TULP4: variants seen among roughly 807,000 people sequenced by gnomAD.
The protein encoded by TULP4 is TUB like protein 4.
TULP4 carries 16 observed loss-of-function variants against 129.0 expected under a neutral mutation model. The observed-to-expected ratio is 0.12, with a 90% CI of 0.08 to 0.19. The LOEUF (loss-of-function observed/expected upper bound fraction) is 0.19. Ranked by LOEUF, TULP4 falls within the 10% of genes least tolerant of loss-of-function variation. The pLI is 1.00. For synonymous variants in TULP4, 998 were observed against 854.0 expected, an observed-to-expected ratio of 1.17 and a Z score of -2.94; for missense variants, 1,842 against 2,059.1, an observed-to-expected ratio of 0.89 and a Z score of 2.04.
intron 1 of TULP4, among the ~76,000 whole-genome samples, chr6:158,350,421 C>T: frequency 6.6e-6 from 1 of 152,236 alleles, no homozygotes; most frequent in Non-Finnish European, 1.5e-5. Context: ...CGCCACTGCA[C>T]TCCAGCCTGG....
At chr6:158,468,528 G>T (rs1779602697) in intron 6 of TULP4, among the ~76,000 whole-genome samples, 1 of 152,008 alleles carries the variant, frequency 6.6e-6, no homozygotes, top group African/African-American at 2.4e-5. Context: ...TTAGCCACTG[G>T]CAATCGTAAC....
chr6:158,490,067 G>A (rs759828372), intron 9 of TULP4, among the ~76,000 whole-genome samples: 1 of 152,156 alleles, frequency 6.6e-6, no homozygotes, highest in Admixed American at 6.5e-5. Flanking sequence ...GTTCCCCTGT[G>A]GATGTAACAT....
intron 1 of TULP4, among the ~76,000 whole-genome samples, chr6:158,245,765 A>G (rs1004505600): frequency 6.6e-6 from 1 of 152,204 alleles, no homozygotes; most frequent in Non-Finnish European, 1.5e-5. Flanking sequence ...GAAGGTACCC[A>G]TAATATTGAG....
chr6:158,245,224 G>A (rs1778006714), intron 1 of TULP4, among the ~76,000 whole-genome samples: 1 of 151,518 alleles, frequency 6.6e-6, no homozygotes, highest in Non-Finnish European at 1.5e-5. Flanking sequence ...TGAACTCCTG[G>A]GCTCAAGGGA....
intron 1 of TULP4, among the ~76,000 whole-genome samples, chr6:158,374,867 T>A (rs1562540432): frequency 2.0e-5 from 3 of 152,210 alleles, no homozygotes; most frequent in South Asian, 4.1e-4. Flanking sequence ...TTAAGGACAT[T>A]TAAAAATTTA....
intron 11 of TULP4, among the ~76,000 whole-genome samples, chr6:158,496,157 C>T (rs1780333525): frequency 6.6e-6 from 1 of 152,186 alleles, no homozygotes; most frequent in Admixed American, 6.5e-5. Flanking sequence ...GTGTTGCTCC[C>T]CGCATCTTTC....
At chr6:158,426,835 A>G (rs373168865) in intron 2 of TULP4, among the ~76,000 whole-genome samples, 1 of 152,146 alleles carries the variant, frequency 6.6e-6, no homozygotes, top group Non-Finnish European at 1.5e-5. Context: ...AGTGATATTG[A>G]TTCTTCCTAT....
intron 1 of TULP4, among the ~76,000 whole-genome samples, chr6:158,288,079 AC>A (rs1333397086): frequency 2.0e-5 from 3 of 152,152 alleles, no homozygotes; most frequent in Non-Finnish European, 4.4e-5. Context: ...TGCTGGGGGG[AC>A]TTCAACTTCA....
Position 158,313,843 on chromosome 6 carries a change from C to A in TULP4, c.-174C>A. On this transcript the variant is annotated 5_prime_UTR_variant, in exon 1 of 14. It introduces an in-frame stop codon into an upstream open reading frame of the 5' UTR. Transcript: ENST00000367097. Reference sequence around the variant, plus strand: ...TAGAGGAATTTTTTCACTATGCATTCGGTGGATCTTTATAAAATACTGACC... The same window carrying A: ...TAGAGGAATTTTTTCACTATGCATTAGGTGGATCTTTATAAAATACTGACC... 1.5e-6 allele frequency: 1 copy of A among 680,920 alleles called. No homozygotes were observed. The highest frequency in any genetic ancestry group is 2.8e-5 in the East Asian group (1 of 36,078). 42.2% of individuals were successfully genotyped at this position (680,920 alleles called of 1,614,324 possible).
chr6:158,238,116 C>G, intron 1 of TULP4: 1 of 735,516 alleles, frequency 1.4e-6, no homozygotes, highest in Non-Finnish European at 2.5e-6. Flanking sequence ...AGACACCATG[C>G]CTGGTTTCTG....
In TULP4 at chr6:158,242,452, A is replaced by T. The variant is rs546700896; in HGVS notation, n.68+10149A>T. ...CTTTATGCCACTAAGCATTCATCAT[A>T]GTGTTCCAAACGGTGTAACACTTAT... On this transcript the variant is annotated intron_variant and non_coding_transcript_variant, in intron 1 of 1. Coordinates refer to the TULP4 transcript ENST00000620026. 2.0e-4 allele frequency: 198 copies of T among 999,620 alleles called. No individual in the cohort carries two copies. The African/African-American group carries it at 2.9e-3, about 15-fold the overall frequency. 61.9% of individuals were successfully genotyped at this position (999,620 alleles called of 1,614,324 possible). A position where few individuals can be genotyped will look rare whatever the true frequency, so the allele number is the denominator to read the frequency against.
intron 1 of TULP4, among the ~76,000 whole-genome samples, chr6:158,302,990 CGCCAGGAGGAAG>C (rs1352066121): frequency 6.7e-6 from 1 of 149,810 alleles, no homozygotes; most frequent in Non-Finnish European, 1.5e-5. Context: ...GGGATGTTTA[CGCCAGGAGGAAG>C]GCCATAAATT....
intron 6 of TULP4, among the ~76,000 whole-genome samples, chr6:158,468,371 A>G (rs1291783162): frequency 6.6e-6 from 1 of 152,218 alleles, no homozygotes; most frequent in East Asian, 1.9e-4. Context: ...GAAGTTACAC[A>G]AACTTCTCAG....
chr6:158,346,584 A>G (rs1013818479), intron 1 of TULP4, among the ~76,000 whole-genome samples: 5 of 152,224 alleles, frequency 3.3e-5, no homozygotes, highest in Non-Finnish European at 7.3e-5. Context: ...GATTATTCCT[A>G]TCACTTTTGT....
intron 12 of TULP4, among the ~76,000 whole-genome samples, chr6:158,499,077 C>T (rs915355452): frequency 3.3e-5 from 5 of 152,234 alleles, no homozygotes; most frequent in African/African-American, 1.2e-4. Flanking sequence ...ACAGTTCTAA[C>T]ATCTGGCTTT....
intron 1 of TULP4, among the ~76,000 whole-genome samples, chr6:158,366,595 C>G (rs1039899551): frequency 2.6e-5 from 4 of 152,194 alleles, no homozygotes; most frequent in African/African-American, 9.7e-5. Context: ...TGGGGTGTGC[C>G]TTTGGCCTCT....
chr6:158,285,374 A>G (rs575540720), intron 1 of TULP4, among the ~76,000 whole-genome samples: 1 of 152,260 alleles, frequency 6.6e-6, no homozygotes, highest in South Asian at 2.1e-4. Context: ...AAACAAGAAT[A>G]TTTCTGTCCA....
chr6:158,503,818 G>A lies in TULP4; in HGVS notation c.4155G>A (p.Lys1385=). 6.2e-7 allele frequency: 1 copy of A among 1,614,146 alleles called. No homozygotes were observed. Among genetic ancestry groups the A allele is most frequent in the Non-Finnish European group, 8.5e-7 (1 of 1,180,028 alleles). Residue 1385 remains lysine (K), a synonymous_variant, in exon 13 of 14, where the codon AAG becomes AAA. Coordinates refer to ENST00000367097, the MANE Select transcript of TULP4 (RefSeq NM_020245.5). The surrounding 1 kb of genome is among the most constrained non-coding windows in gnomAD (Gnocchi z 4.3). ...TGGGGAGAGAGAAGAAGAAAGTGAA[G>A]AGTCAGAAAGACCAACTGAAGTCAA... ...PHLGREKKKV[K]SQKDQLKSKK...
At chr6:158,431,522 C>T (rs754918520) in intron 3 of TULP4, among the ~76,000 whole-genome samples, 7 of 152,274 alleles carry the variant, frequency 4.6e-5, no homozygotes, top group Non-Finnish European at 7.3e-5. Flanking sequence ...GTGAGAGAGA[C>T]GCAGCTCTTG....
Sources: gnomAD v4.1 joint callset for allele counts (sites outside exome capture counted in the v4.1 genomes callset) on GRCh38, gnomAD v4.1.1 for gene constraint, Gnocchi (gnomAD v3.1) non-coding constraint, MANE v1.5 for transcripts, NCBI Gene and HGNC (gene_info 2026-07-23, HGNC 2026-07-21) for gene names.